TRPM6: variants seen among roughly 807,000 people sequenced by gnomAD.
The protein encoded by TRPM6 is transient receptor potential cation channel subfamily M member 6.
TRPM6 carries 111 observed loss-of-function variants against 247.6 expected under a neutral mutation model. The observed-to-expected ratio is 0.45, with a 90% CI of 0.38 to 0.52. TRPM6 has a LOEUF of 0.52. Ranked by LOEUF, TRPM6 falls within the 20% of genes least tolerant of loss-of-function variation. The pLI is 0.00. For synonymous variants in TRPM6, 892 were observed against 853.8 expected (o/e 1.04, Z -0.78); for missense variants, 2,126 against 2,421.5 (o/e 0.88, Z 2.56).
chr9:74,853,159 G>C (rs62569733), intron 3 of TRPM6, among the ~76,000 whole-genome samples: 22,328 of 151,920 alleles, frequency 0.15, 1,902 homozygotes, highest in East Asian at 0.28. Context: ...TCTGGGAGGT[G>C]AGCAGCGTCT....
intron 5 of TRPM6, among the ~76,000 whole-genome samples, chr9:74,835,886 C>T (rs77075084): frequency 1.1e-4 from 17 of 152,152 alleles, no homozygotes; most frequent in African/African-American, 4.1e-4. Context: ...ACAAACACAG[C>T]CTCCCCGACT....
At position 74,792,752 on chromosome 9, in the gene TRPM6, T is replaced by G. The variant is rs1480154852; in HGVS notation, c.2410A>C (p.Arg804=). The G allele has an allele frequency of 1.2e-6, 2 of 1,613,870 alleles. No individual in the cohort carries two copies. Among genetic ancestry groups the G allele is most frequent in the African/African-American group, 2.7e-5 (2 of 75,050 alleles). The change falls in exon 19 of 39, where the codon AGG becomes CGG. Residue 804 remains arginine (R), a synonymous_variant. Transcript: ENST00000360774. The part of the protein sequence containing the change: ...SASVKEYDLE[R]GHDEKLDENQ... ...TCATCCAGTTTCTCATCATGGCCCCTTTCCAAATCATACTCTTTCTATAAA... is the reference window on the plus strand; with the variant it reads ...TCATCCAGTTTCTCATCATGGCCCCGTTCCAAATCATACTCTTTCTATAAA...
At chr9:74,785,832 T>C in intron 21 of TRPM6, 42 bp downstream of exon 21, 1 of 1,613,056 alleles carries the variant, frequency 6.2e-7, no homozygotes, top group Non-Finnish European at 8.5e-7. Flanking sequence ...TAAAAATAAT[T>C]TTAAAAAAGA....
chr9:74,794,464 T>C (rs967955304), intron 18 of TRPM6, among the ~76,000 whole-genome samples: 1 of 152,102 alleles, frequency 6.6e-6, no homozygotes, highest in African/African-American at 2.4e-5. Context: ...AGGATTGACT[T>C]AGAAATGTAG....
rs1361169813 is a variant in TRPM6 at position 74,800,492 on chromosome 9, G to C, written c.2010-10C>G. On this transcript the variant is annotated splice_polypyrimidine_tract_variant and intron_variant, in intron 16 of 38. Transcript: ENST00000360774. The stretch of plus-strand genomic sequence containing the variant: ...CAGCTGGCCAAACTGTCTGCCATGA[G>C]GGTGGCCAATTAAGAAAACAAAGGC... 4 of 1,609,326 alleles carry C rather than the reference G, an allele frequency of 2.5e-6. No homozygotes were observed. The highest frequency in any genetic ancestry group is 3.4e-6 in the Non-Finnish European group (4 of 1,175,878).
In TRPM6 at chr9:74,743,999, T is replaced by G. The variant is rs1300191313; in HGVS notation, c.5134+96A>C. On this transcript the variant is annotated intron_variant, in intron 32 of 38. Coordinates refer to ENST00000360774, the MANE Select transcript of TRPM6 (RefSeq NM_017662.5). ...CAATAACTTTTCAAGTCGCGAGCCATGTCAGTAACACAGAATTTGTCAGTG... is the reference window on the plus strand; with the variant it reads ...CAATAACTTTTCAAGTCGCGAGCCAGGTCAGTAACACAGAATTTGTCAGTG... 3.3e-6 allele frequency: 4 copies of G among 1,219,864 alleles called. No homozygotes were observed. The East Asian group carries it at 9.3e-5, about 29-fold the overall frequency. 75.6% of individuals were successfully genotyped at this position (1,219,864 alleles called of 1,614,324 possible).
intron 6 of TRPM6, among the ~76,000 whole-genome samples, chr9:74,833,054 A>G (rs77372814): frequency 7.4e-6 from 1 of 135,194 alleles, no homozygotes; most frequent in Non-Finnish European, 1.5e-5. Flanking sequence ...CCGTCTCAGG[A>G]AAAAAAAAAA....
At chr9:74,791,862 T>C (rs926877750) in intron 19 of TRPM6, among the ~76,000 whole-genome samples, 11 of 152,168 alleles carry the variant, frequency 7.2e-5, no homozygotes, top group Non-Finnish European at 1.5e-5. Flanking sequence ...GTTCTCGCCA[T>C]TCTCCTGCCT....
At position 74,808,417 on chromosome 9, in the gene TRPM6, G is replaced by GCT. The variant is rs201274851; in HGVS notation, c.1498-245_1498-244dup. Reference sequence around the variant, plus strand: ...TAAATGTGTGCTTCCATCTATGCGTGCTCTCTCTCTCTTACTCTTGCTCTC... The same window carrying GCT: ...TAAATGTGTGCTTCCATCTATGCGTGCTCTCTCTCTCTCTTACTCTTGCTCTC... On this transcript the variant is annotated intron_variant, in intron 13 of 38. Coordinates refer to ENST00000360774, the MANE Select transcript of TRPM6 (RefSeq NM_017662.5). Among the ~76,000 whole-genome samples, 414 of 151,976 alleles carry GCT rather than the reference G, an allele frequency of 2.7e-3. 2 individuals are homozygous for GCT. The highest frequency in any genetic ancestry group is 9.6e-3 in the African/African-American group (400 of 41,478).
At chr9:74,839,320 T>C (rs538983192) in intron 5 of TRPM6, among the ~76,000 whole-genome samples, 1 of 152,130 alleles carries the variant, frequency 6.6e-6, no homozygotes, top group East Asian at 1.9e-4. Context: ...TCACAAACAC[T>C]GAAGCAAAGA....
intron 27 of TRPM6, among the ~76,000 whole-genome samples, chr9:74,757,098 A>G (rs1444416773): frequency 6.6e-6 from 1 of 151,434 alleles, no homozygotes; most frequent in Non-Finnish European, 1.5e-5. Flanking sequence ...GAATCACTTG[A>G]ACCCGGGAGG....
At chr9:74,791,613 T>A (rs1827899693) in intron 19 of TRPM6, among the ~76,000 whole-genome samples, 1 of 151,664 alleles carries the variant, frequency 6.6e-6, no homozygotes, top group Admixed American at 6.5e-5. Flanking sequence ...AGATTTAGTA[T>A]TTGTTCACAC....
chr9:74,763,765 C>G (rs1826733678), intron 25 of TRPM6, among the ~76,000 whole-genome samples: 1 of 152,092 alleles, frequency 6.6e-6, no homozygotes, highest in Admixed American at 6.5e-5. Context: ...TACTTTAACC[C>G]AAGATTATGA....
intron 3 of TRPM6, among the ~76,000 whole-genome samples, chr9:74,847,963 A>T (rs1379017797): frequency 6.6e-6 from 1 of 152,232 alleles, no homozygotes; most frequent in African/African-American, 2.4e-5. Flanking sequence ...ATTGCTGTCA[A>T]TCAGAACAGG....
intron 18 of TRPM6, 41 bp from the exon 19 acceptor site, chr9:74,792,811 A>G (rs1232708173): frequency 1.9e-6 from 3 of 1,582,984 alleles, no homozygotes; most frequent in East Asian, 2.2e-5. Flanking sequence ...TCAGCAGCTT[A>G]ACTAAAATAG....
At chr9:74,726,039 C>T (rs1459684185) in intron 38 of TRPM6, among the ~76,000 whole-genome samples, 3 of 152,118 alleles carry the variant, frequency 2.0e-5, no homozygotes, top group Non-Finnish European at 4.4e-5. Context: ...TGAAGGGAAA[C>T]GTAGTCAAAC....
chr9:74,791,041 G>A (rs1164725215), intron 19 of TRPM6, among the ~76,000 whole-genome samples: 2 of 152,144 alleles, frequency 1.3e-5, no homozygotes, highest in East Asian at 3.8e-4. Flanking sequence ...AGATCTGGCT[G>A]GTTTTGTGCT....
chr9:74,878,502 C>A (rs1258996908), intron 1 of TRPM6, among the ~76,000 whole-genome samples: 1 of 152,226 alleles, frequency 6.6e-6, no homozygotes, highest in Non-Finnish European at 1.5e-5. Context: ...CTGAGCAAAT[C>A]TCAGACACTA....
At chr9:74,821,541 G>A in intron 8 of TRPM6, 128 bp downstream of exon 8, 1 of 1,121,930 alleles carries the variant, frequency 8.9e-7, no homozygotes, top group Non-Finnish European at 1.3e-6. Flanking sequence ...CAGTCACTGA[G>A]AAATGAAATC....
Sources: allele counts gnomAD v4.1 joint callset (sites outside exome capture counted in the v4.1 genomes callset), GRCh38; gene constraint gnomAD v4.1.1; transcripts MANE v1.5; gene names NCBI Gene and HGNC (gene_info 2026-07-23, HGNC 2026-07-21).